AFTPH: variants seen among roughly 807,000 people sequenced by gnomAD.
AFTPH encodes the protein aftiphilin.
Under a neutral mutation model 72.5 loss-of-function variants are expected in AFTPH, and 7 were observed. The ratio of observed to expected loss-of-function variants is 0.10; its 90% confidence interval spans 0.05 to 0.18. The LOEUF is 0.18. Among genes scored for constraint, AFTPH ranks in the 10% least tolerant of loss-of-function variants. The probability of loss-of-function intolerance (pLI) is 1.00; values close to 1 mark genes in which losing one functional copy is unlikely to be tolerated. For synonymous variants in AFTPH, 337 were observed against 370.1 expected (o/e 0.91, Z 1.03); for missense variants, 979 against 1,060.5 (o/e 0.92, Z 1.07).
intron 1 of AFTPH, among the ~76,000 whole-genome samples, chr2:64,536,624 A>C (rs977951826): frequency 8.1e-4 from 122 of 151,052 alleles, no homozygotes; most frequent in Non-Finnish European, 4.3e-4. Flanking sequence ...AGATTCATTG[A>C]AGGATAAGGG....
At chr2:64,580,106 G>GA (rs745361969) in intron 7 of AFTPH, 5 of 152,532 alleles carry the variant, frequency 3.3e-5, no homozygotes, top group Non-Finnish European at 5.9e-5. Context: ...AAAAATAATT[G>GA]GTTTCACTTA....
intron 1 of AFTPH, among the ~76,000 whole-genome samples, chr2:64,527,580 C>CAAAAAAAA (rs34338314): frequency 7.4e-6 from 1 of 135,620 alleles, no homozygotes; most frequent in Non-Finnish European, 1.6e-5. Flanking sequence ...AACATCATCT[C>CAAAAAAAA]AAAAAAAAAA....
intron 8 of AFTPH, among the ~76,000 whole-genome samples, chr2:64,591,532 G>A (rs994778636): frequency 6.6e-6 from 1 of 152,202 alleles, no homozygotes; most frequent in Non-Finnish European, 1.5e-5. Context: ...TGTTACTAAG[G>A]CTTCAGATTT....
At chr2:64,524,833 G>GC (rs1469405520) in intron 1 of AFTPH, among the ~76,000 whole-genome samples, 2 of 152,224 alleles carry the variant, frequency 1.3e-5, no homozygotes, top group East Asian at 3.9e-4. Flanking sequence ...GAAGCGCACG[G>GC]CCCCCTCCTC....
chr2:64,580,743 ACTTTGTCACTTTTT>A (rs1184805512), intron 7 of AFTPH: 1 of 152,978 alleles, frequency 6.5e-6, no homozygotes, highest in Non-Finnish European at 1.5e-5. Flanking sequence ...GAAACTGACA[ACTTTGTCACTTTTT>A]AAAAAGCATT....
chr2:64,585,238 A>G (rs746182193), intron 7 of AFTPH, among the ~76,000 whole-genome samples, 184 bp from the exon 9 acceptor site: 1 of 152,280 alleles, frequency 6.6e-6, no homozygotes, highest in Non-Finnish European at 1.5e-5. Flanking sequence ...CCTGTTTTAT[A>G]AAAACTCCAA....
chr2:64,555,733 TGAA>T (rs926463673), intron 2 of AFTPH, among the ~76,000 whole-genome samples: 17 of 152,200 alleles, frequency 1.1e-4, no homozygotes, highest in African/African-American at 4.1e-4. Context: ...GGAAGAAAGT[TGAA>T]GTAGTGAAAT....
At chr2:64,538,203 A>G (rs1019809826) in intron 1 of AFTPH, among the ~76,000 whole-genome samples, 6 of 152,158 alleles carry the variant, frequency 3.9e-5, no homozygotes, top group Admixed American at 2.0e-4. Flanking sequence ...TCTGCTTTAT[A>G]TGACGGGCCA....
At chr2:64,527,438 G>T (rs1360670119) in intron 1 of AFTPH, among the ~76,000 whole-genome samples, 4 of 152,084 alleles carry the variant, frequency 2.6e-5, no homozygotes, top group Admixed American at 6.5e-5. Context: ...AAATTAGCCG[G>T]GTGTGGTGGC....
At chr2:64,533,907 T>C (rs1572940802) in intron 1 of AFTPH, among the ~76,000 whole-genome samples, 2 of 152,336 alleles carry the variant, frequency 1.3e-5, no homozygotes, top group South Asian at 4.1e-4. Context: ...TAATGAATTA[T>C]TTACCACTTG....
At chr2:64,562,644 T>C (rs1671811471) in intron 2 of AFTPH, among the ~76,000 whole-genome samples, 1 of 152,232 alleles carries the variant, frequency 6.6e-6, no homozygotes, top group Non-Finnish European at 1.5e-5. Context: ...CTCCCTCATA[T>C]GGTTCTTTTG....
chr2:64,561,004 A>T (rs3770734), intron 2 of AFTPH, among the ~76,000 whole-genome samples: 1 of 152,166 alleles, frequency 6.6e-6, no homozygotes, highest in Non-Finnish European at 1.5e-5. Flanking sequence ...GCTTTGGGCT[A>T]GTTTCCATTC....
chr2:64,573,034 C>T, exon 6 of AFTPH: 18 of 1,614,046 alleles, frequency 1.1e-5, no homozygotes, highest in Non-Finnish European at 1.5e-5. Flanking sequence ...ACCATGTCAC[C>T]AGATATGAAC....
intron 1 of AFTPH, among the ~76,000 whole-genome samples, chr2:64,528,635 C>T (rs1246423052): frequency 6.6e-6 from 1 of 151,958 alleles, no homozygotes; most frequent in African/African-American, 2.4e-5. Context: ...AGGCTTAAAC[C>T]TGAAGAAGGG....
At position 64,584,888 on chromosome 2, in the gene AFTPH, G is replaced by A. The variant is rs547849811; in HGVS notation, c.2456-534G>A. Among the ~76,000 whole-genome samples, 41 of 152,196 alleles carry A rather than the reference G, an allele frequency of 2.7e-4. No homozygotes were observed. In the East Asian group the frequency reaches 6.0e-3, roughly 22 times the overall value. ...TGGGATTACAGGCGTGAGCCACCGC[G>A]CCTGGCCAGTCATGATATATTTAAA... On this transcript the variant is annotated intron_variant, in intron 7 of 8. Coordinates refer to ENST00000238856, the Ensembl canonical transcript of AFTPH.
intron 8 of AFTPH, among the ~76,000 whole-genome samples, chr2:64,586,266 C>G (rs1241489166): frequency 6.6e-6 from 1 of 152,182 alleles, no homozygotes; most frequent in Non-Finnish European, 1.5e-5. Context: ...AAAGCAAATA[C>G]TGGTTGATTG....
chr2:64,529,742 G>GC (rs1451073970), intron 1 of AFTPH, among the ~76,000 whole-genome samples: 1 of 151,426 alleles, frequency 6.6e-6, no homozygotes, highest in Non-Finnish European at 1.5e-5. Context: ...CAGTCTTCCT[G>GC]CCTCAGCCTC....
At chr2:64,576,513 G>A (rs1672811744) in intron 6 of AFTPH, among the ~76,000 whole-genome samples, 1 of 152,034 alleles carries the variant, frequency 6.6e-6, no homozygotes, top group Non-Finnish European at 1.5e-5. Flanking sequence ...TTTTGGGATT[G>A]TGTGTGTGTT....
chr2:64,567,611 C>T (rs1330264908), exon 3 of AFTPH: 2 of 1,613,616 alleles, frequency 1.2e-6, no homozygotes, highest in Admixed American at 3.3e-5. Context: ...TGTTTTCCTT[C>T]CATACTTGTC....
Sources: gnomAD v4.1 joint callset for allele counts (sites outside exome capture counted in the v4.1 genomes callset) on GRCh38, gnomAD v4.1.1 for gene constraint, MANE v1.5 for transcripts, NCBI Gene and HGNC (gene_info 2026-07-23, HGNC 2026-07-21) for gene names.